PLXNA3: variants seen among roughly 807,000 people sequenced by gnomAD.
PLXNA3 encodes the protein plexin A3.
A neutral mutation model predicts 118.8 loss-of-function variants in PLXNA3; 52 were observed. The observed-to-expected ratio is 0.44, with a 90% CI of 0.35 to 0.55. The LOEUF (loss-of-function observed/expected upper bound fraction) is 0.55, where lower values mean the gene tolerates loss of function less well. Ranked by LOEUF, PLXNA3 falls within the 20% of genes least tolerant of loss-of-function variation. The pLI is 0.01. For missense variants in PLXNA3, 1,660 were observed against 1,730.8 expected (o/e 0.96, Z 0.73); for synonymous variants, 925 against 762.4 (o/e 1.21, Z -3.51).
intron 1 of PLXNA3, among the ~76,000 whole-genome samples, chrX:154,459,655 A>C (rs2068903185): frequency 8.9e-6 from 1 of 112,233 alleles, no homozygotes; most frequent in Non-Finnish European, 1.9e-5. Context: ...CCTGCAGGGG[A>C]CATGGTGGTG....
Position 154,465,698 on chromosome X carries a change from C to T in PLXNA3, c.2383C>T (p.Leu795Phe). Residue 795 changes from leucine to phenylalanine, a missense_variant, in exon 13 of 33, where the codon CTC becomes TTC. Leu to Phe is a conservative substitution (Grantham distance 22, BLOSUM62 0). Transcript: ENST00000369682. Reference sequence around the variant, plus strand: ...CTGGGCGCAGCGGCCCAGCTGTGGCCTCTGCCTCAAGGCTGATCCCCGCTT... The same window carrying T: ...CTGGGCGCAGCGGCCCAGCTGTGGCTTCTGCCTCAAGGCTGATCCCCGCTT... ...KCWAQRPSCG[L>F]CLKADPRFNC... The T allele has an allele frequency of 8.3e-7, 1 of 1,210,719 alleles. No homozygotes were observed. The highest frequency in any genetic ancestry group is 1.1e-6 in the Non-Finnish European group (1 of 895,136).
intron 9 of PLXNA3, 56 bp from the exon 10 acceptor site, chrX:154,464,698 A>AGCAGTGAGGGGCAGT (rs1188200870): frequency 3.6e-6 from 3 of 837,086 alleles, no homozygotes; most frequent in Non-Finnish European, 5.1e-6. Context: ...CCTATTGGGG[A>AGCAGTGAGGGGCAGT]GCAGTGAGGG....
In PLXNA3 at chrX:154,472,728, G is replaced by A. The variant is rs375562786; in HGVS notation, c.*43G>A. ...GGAGGGGGCTTCTCAGTCCTGTGCC[G>A]TCCTCCCATCCAGGGGAGTGGCTGG... On this transcript the variant is annotated 3_prime_UTR_variant, in exon 33 of 33. Transcript: ENST00000369682. 13 of 983,009 alleles carry A rather than the reference G, an allele frequency of 1.3e-5. No homozygotes were observed. Among genetic ancestry groups the A allele is most frequent in the East Asian group, 6.2e-5 (2 of 32,237 alleles). 81.0% of individuals were successfully genotyped at this position (983,009 alleles called of 1,213,427 possible).
intron 2 of PLXNA3, 74 bp from the exon 3 acceptor site, chrX:154,461,025 G>C (rs1336244653): frequency 2.1e-6 from 2 of 950,562 alleles, no homozygotes; most frequent in African/African-American, 3.9e-5. Flanking sequence ...GGGGGATGCA[G>C]AGGGAAGCTG....
At chrX:154,465,591 A>G (rs2069067790) in intron 12 of PLXNA3, 66 bp from the exon 13 acceptor site, 2 of 1,152,649 alleles carry the variant, frequency 1.7e-6, no homozygotes, top group Non-Finnish European at 2.4e-6. Context: ...TGGGGGCCCT[A>G]GTGCTCCCCA....
rs1271264277 is a variant in PLXNA3 at position 154,474,011 on chromosome X, G to T, written c.*1326G>T. The T allele has an allele frequency of 1.8e-5, 2 of 111,835 alleles. No homozygotes were observed. The highest frequency in any genetic ancestry group is 3.8e-5 in the Non-Finnish European group (2 of 53,150). The allele number at this position is 111,835 out of a possible 1,213,427, so 9.2% of individuals were successfully genotyped here. ...CCTCACTGTTTAGAACCCTCCGGCGGTTTCAGCTGCAGCCAGCTCCTTCAA... is the reference window on the plus strand; with the variant it reads ...CCTCACTGTTTAGAACCCTCCGGCGTTTTCAGCTGCAGCCAGCTCCTTCAA... On this transcript the variant is annotated 3_prime_UTR_variant, in exon 33 of 33. Coordinates refer to ENST00000369682, the MANE Select transcript of PLXNA3 (RefSeq NM_017514.5).
At position 154,477,682 on chromosome X, in the gene PLXNA3, G is replaced by A. The variant is rs1380966316; in HGVS notation, c.*4997G>A. 2.1e-5 allele frequency: 6 copies of A among 285,746 alleles called. No individual in the cohort carries two copies. Among genetic ancestry groups the A allele is most frequent in the Non-Finnish European group, 3.6e-5 (6 of 166,285 alleles). The allele number at this position is 285,746 out of a possible 1,213,427, so 23.5% of individuals were successfully genotyped here. A position where few individuals can be genotyped will look rare whatever the true frequency, so the allele number is the denominator to read the frequency against. On this transcript the variant is annotated 3_prime_UTR_variant, in exon 33 of 33. Coordinates refer to ENST00000369682, the MANE Select transcript of PLXNA3 (RefSeq NM_017514.5). ...TGTCTTCAATTTCCTTGTACTCCTTGAATATCTGAATTCTAGAACCCCCCC... is the reference window on the plus strand; with the variant it reads ...TGTCTTCAATTTCCTTGTACTCCTTAAATATCTGAATTCTAGAACCCCCCC...
intron 3 of PLXNA3, 129 bp from the exon 4 acceptor site, chrX:154,461,999 C>CTG (rs1557204813): frequency 1.9e-6 from 1 of 537,657 alleles, no homozygotes; most frequent in Admixed American, 3.7e-5. Context: ...CACCCTAGGG[C>CTG]GAGCAGTCAG....
At position 154,468,167 on chromosome X, in the gene PLXNA3, C is replaced by T. The variant is rs148871846; in HGVS notation, c.3906C>T (p.Tyr1302=). ...VQIPFLDYRT[Y]AVRVLFPGIE... The stretch of plus-strand genomic sequence containing the variant: ...TCCCCTTCCTGGACTACCGGACTTA[C>T]GCCGTGCGCGTGCTCTTCCCGGGCA... The change falls in exon 22 of 33, where the codon TAC becomes TAT. Residue 1302 remains tyrosine (Y), a synonymous_variant. Coordinates refer to ENST00000369682, the MANE Select transcript of PLXNA3 (RefSeq NM_017514.5). 137 of 1,187,626 alleles carry T rather than the reference C, an allele frequency of 1.2e-4. No homozygotes were observed. In the African/African-American group the frequency reaches 1.9e-3, roughly 17 times the overall value.
rs1269647910 is a variant in PLXNA3, at chrX:154,474,500, C to T, written c.*1815C>T. ...TTTATGTTTTTTTTTTTTTCTTTGA[C>T]GGAGTGTCGCTCTGTCGCCCAGGCT... is the stretch of plus-strand genomic sequence containing the variant. On this transcript the variant is annotated 3_prime_UTR_variant, in exon 33 of 33. Coordinates refer to ENST00000369682, the MANE Select transcript of PLXNA3 (RefSeq NM_017514.5). 1 of 103,019 alleles carries T rather than the reference C, an allele frequency of 9.7e-6. No individual in the cohort carries two copies. The highest frequency in any genetic ancestry group is 2.0e-5 in the Non-Finnish European group (1 of 50,753). The allele number at this position is 103,019 out of a possible 1,213,427, so 8.5% of individuals were successfully genotyped here.
Position 154,467,121 on chromosome X carries a change from G to A in PLXNA3, c.3172G>A (p.Ala1058Thr). ...LLTVQEPRVR[A>T]KYRGIETTNT... ...GACGGTCCAGGAGCCCCGGGTCCGT[G>A]CCAAGTACCGCGGCATTGAGACCAC... is the stretch of plus-strand genomic sequence containing the variant. The change falls in exon 18 of 33, where the codon GCC becomes ACC. Residue 1058 changes from alanine (A) to threonine (T), a missense_variant. Coordinates refer to ENST00000369682, the MANE Select transcript of PLXNA3 (RefSeq NM_017514.5). The A allele has an allele frequency of 2.5e-6, 3 of 1,210,640 alleles. No homozygotes were observed. The highest frequency in any genetic ancestry group is 3.0e-5 in the East Asian group (1 of 33,837).
rs941108633 is a variant in PLXNA3, at chrX:154,465,573, G to C, written c.2341+53G>C. 39 of 1,152,750 alleles carry C rather than the reference G, an allele frequency of 3.4e-5. No homozygotes were observed. The African/African-American group carries it at 6.6e-4, about 20-fold the overall frequency. The allele number at this position is 1,152,750 out of a possible 1,213,427, so 95.0% of individuals were successfully genotyped here. On this transcript the variant is annotated intron_variant, in intron 12 of 32. Transcript: ENST00000369682. ...TCCTAAGGCAATTGGCACTGCTGGG[G>C]TCGGGTCTGGGGGCCCTAGTGCTCC...
intron 22 of PLXNA3, 22 bp downstream of exon 22, chrX:154,468,246 C>T (rs1458568349): frequency 1.2e-5 from 14 of 1,178,669 alleles, no homozygotes; most frequent in Non-Finnish European, 1.6e-5. Context: ...CCTGGCCTGC[C>T]CCCCACCATT....
At chrX:154,465,607 C>T (rs782430179) in intron 12 of PLXNA3, 50 bp from the exon 13 acceptor site, 4 of 1,178,684 alleles carry the variant, frequency 3.4e-6, no homozygotes, top group Admixed American at 2.2e-5. Context: ...CCCCACTTTC[C>T]ACTTTTCTGC....
Position 154,468,944 on chromosome X carries a change from G to A in PLXNA3, c.4409G>A (p.Arg1470His). Reference protein sequence around the residue: ...RYSLSEDKLIRQQIDYKTLTL... With the variant: ...RYSLSEDKLIHQQIDYKTLTL... ...TCCCTGAGCGAGGACAAGCTCATCC[G>A]TCAGCAGATCGACTACAAGACACTG... Residue 1470 changes from arginine (R) to histidine (H), a missense_variant, in exon 25 of 33, where the codon CGT (arginine) becomes CAT (histidine). By Grantham distance (29) the Arg-to-His change is conservative. Transcript: ENST00000369682. 2.5e-6 allele frequency: 3 copies of A among 1,211,975 alleles called. No individual in the cohort carries two copies. Among genetic ancestry groups the A allele is most frequent in the Non-Finnish European group, 3.3e-6 (3 of 895,631 alleles).
chrX:154,477,139 A>C lies in PLXNA3; in HGVS notation c.*4454A>C, dbSNP rs2069241552. Reference sequence around the variant, plus strand: ...GCTGTCCCCACCCACCAGGATAGAGAAGCTCATGTTCACCTAGGCAGCACT... The same window carrying C: ...GCTGTCCCCACCCACCAGGATAGAGCAGCTCATGTTCACCTAGGCAGCACT... On this transcript the variant is annotated 3_prime_UTR_variant, in exon 33 of 33. Coordinates refer to ENST00000369682, the MANE Select transcript of PLXNA3 (RefSeq NM_017514.5). 2 of 111,747 alleles carry C rather than the reference A, an allele frequency of 1.8e-5. No individual in the cohort carries two copies. The highest frequency in any genetic ancestry group is 6.5e-5 in the African/African-American group (2 of 30,653). The allele number at this position is 111,747 out of a possible 1,213,427, so 9.2% of individuals were successfully genotyped here.
At position 154,466,430 on chromosome X, in the gene PLXNA3, C is replaced by T. The variant is rs782319608; in HGVS notation, c.2854C>T (p.Arg952Trp). 25 of 1,209,862 alleles carry T rather than the reference C, an allele frequency of 2.1e-5. No individual in the cohort carries two copies. Among genetic ancestry groups the T allele is most frequent in the African/African-American group, 3.5e-5 (2 of 57,478 alleles). The change falls in exon 16 of 33, where the codon CGG becomes TGG. Residue 952 changes from arginine (R) to tryptophan (W), a missense_variant. Around this residue, in one of 2 missense-constraint regions of PLXNA3, gnomAD observed 869 missense variants for 1,078.7 expected, o/e 0.81. Coordinates refer to ENST00000369682, the MANE Select transcript of PLXNA3 (RefSeq NM_017514.5). Reference protein sequence around the residue: ...PSRGPASGGTRLTISGSSLDA... With the variant: ...PSRGPASGGTWLTISGSSLDA... ...CCGTGGCCCGGCGTCCGGGGGCACA[C>T]GGCTTACCATCTCAGGCAGCTCTCT...
In PLXNA3 at chrX:154,469,989, G is replaced by A. The variant is rs142245785; in HGVS notation, c.4808G>A (p.Arg1603His). The change falls in exon 29 of 33, where the codon CGC (arginine) becomes CAC (histidine). Residue 1603 changes from arginine (R) to histidine (H), a missense_variant. By Grantham distance (29) the Arg-to-His change is conservative (BLOSUM62 0). Coordinates refer to ENST00000369682, the MANE Select transcript of PLXNA3 (RefSeq NM_017514.5). ...TTCTCTGCTCCAGAGAGCTTGCTCC[G>A]CACGGCCAGCAGCCCTGATAGCCTC... Reference protein sequence around the residue: ...RSLSRYESLLRTASSPDSLRS... With the variant: ...RSLSRYESLLHTASSPDSLRS... 80 of 1,209,537 alleles carry A rather than the reference G, an allele frequency of 6.6e-5. No individual in the cohort carries two copies. The African/African-American group carries it at 6.8e-4, about 10-fold the overall frequency.
chrX:154,472,973 T>G lies in PLXNA3; in HGVS notation c.*288T>G, dbSNP rs1477136483. 1 of 265,446 alleles carries G rather than the reference T, an allele frequency of 3.8e-6. No homozygotes were observed. The highest frequency in any genetic ancestry group is 9.6e-5 in the South Asian group (1 of 10,420). The allele number at this position is 265,446 out of a possible 1,213,427, so 21.9% of individuals were successfully genotyped here. ...TGGGACAGTCCCACCCTCCCTGCTATTTATATCCCTCTGCCTATTTATTGA... is the reference window on the plus strand; with the variant it reads ...TGGGACAGTCCCACCCTCCCTGCTAGTTATATCCCTCTGCCTATTTATTGA... On this transcript the variant is annotated 3_prime_UTR_variant, in exon 33 of 33. Coordinates refer to ENST00000369682, the MANE Select transcript of PLXNA3 (RefSeq NM_017514.5).
Sources: allele counts gnomAD v4.1 joint callset (sites outside exome capture counted in the v4.1 genomes callset), GRCh38; gene constraint gnomAD v4.1.1; regional missense constraint gnomAD v4.1.1; transcripts MANE v1.5; gene names NCBI Gene and HGNC (gene_info 2026-07-23, HGNC 2026-07-21).